PRIM2: variants seen among roughly 807,000 people sequenced by gnomAD.
The protein encoded by PRIM2 is DNA primase subunit 2.
Under a neutral mutation model 67.3 loss-of-function variants are expected in PRIM2, and 39 were observed. The observed-to-expected ratio is 0.58, with a 90% CI of 0.45 to 0.76. The LOEUF (loss-of-function observed/expected upper bound fraction) is 0.76. Ranked by LOEUF, PRIM2 falls within the 30% of genes least tolerant of loss-of-function variation. The pLI is 0.00. For synonymous variants in PRIM2, 143 were observed against 198.7 expected, an observed-to-expected ratio of 0.72 and a Z score of 2.36; for missense variants, 398 against 598.7, an observed-to-expected ratio of 0.66 and a Z score of 3.50.
At position 57,358,327 on chromosome 6, in the gene PRIM2, TTGAG is replaced by T. The variant is rs1408692334; in HGVS notation, c.460-21571_460-21568del. ...TGTATTAAAATTTATTAGGCAGACT[TTGAG>T]TGGGAAAATAAAAATCTTGATTTGG... is the stretch of plus-strand genomic sequence containing the variant. On this transcript the variant is annotated intron_variant, in intron 5 of 13. Transcript: ENST00000615550. Among the ~76,000 whole-genome samples, 5 of 152,304 alleles carry T rather than the reference TTGAG, an allele frequency of 3.3e-5. 1 individual carries two copies. In the South Asian group the frequency reaches 1.0e-3, roughly 32 times the overall value.
chr6:57,391,206 A>G (rs1455014762), intron 7 of PRIM2, among the ~76,000 whole-genome samples: 1 of 146,450 alleles, frequency 6.8e-6, no homozygotes, highest in Non-Finnish European at 1.5e-5. Flanking sequence ...GTGTCTGTTC[A>G]TGTCCTTTGC....
At chr6:57,232,334 T>C in the PRIM2 span, among the ~76,000 whole-genome samples, 6 of 152,170 alleles carry the variant, frequency 3.9e-5, no homozygotes, top group African/African-American at 9.7e-5. Context: ...AGGCGGATCA[T>C]GAGGTCAGGA....
At chr6:57,472,861 G>C (rs1305832549) in intron 7 of PRIM2, among the ~76,000 whole-genome samples, 1 of 152,162 alleles carries the variant, frequency 6.6e-6, no homozygotes, top group Non-Finnish European at 1.5e-5. Flanking sequence ...CAATTGTATT[G>C]TAAGTATGTG....
At chr6:57,609,533 A>G (rs1485443270) in intron 12 of PRIM2, among the ~76,000 whole-genome samples, 1 of 152,238 alleles carries the variant, frequency 6.6e-6, no homozygotes, top group Non-Finnish European at 1.5e-5. Flanking sequence ...ATCTTAATAT[A>G]CTAACATTAT....
chr6:57,244,800 C>T, the PRIM2 span, among the ~76,000 whole-genome samples: 1 of 152,030 alleles, frequency 6.6e-6, no homozygotes, highest in African/African-American at 2.4e-5. Context: ...TGCCCTGCAA[C>T]ACTGCAGCAG....
intron 10 of PRIM2, among the ~76,000 whole-genome samples, chr6:57,588,055 T>G (rs1438129673): frequency 6.6e-6 from 1 of 152,138 alleles, no homozygotes; most frequent in Non-Finnish European, 1.5e-5. Flanking sequence ...GCTTAAATCT[T>G]TATTTAAGTG....
chr6:57,534,729 A>G (rs1323643727), intron 9 of PRIM2, among the ~76,000 whole-genome samples: 5 of 152,078 alleles, frequency 3.3e-5, no homozygotes, highest in African/African-American at 1.2e-4. Flanking sequence ...CATCATTTCT[A>G]TTTTATCTTC....
intron 8 of PRIM2, among the ~76,000 whole-genome samples, chr6:57,519,539 C>T (rs1774567455): frequency 6.6e-6 from 1 of 152,228 alleles, no homozygotes; most frequent in Admixed American, 6.5e-5. Flanking sequence ...CCGCCCGGCT[C>T]ACCAGCGGTC....
intron 9 of PRIM2, among the ~76,000 whole-genome samples, chr6:57,536,953 GTA>G (rs1489089610): frequency 9.8e-5 from 7 of 71,092 alleles, no homozygotes; most frequent in Non-Finnish European, 1.7e-4. Flanking sequence ...TGACAAAACT[GTA>G]TAAAATTTAA....
At chr6:57,517,529 T>C (rs1297720300) in intron 8 of PRIM2, among the ~76,000 whole-genome samples, 30 of 152,172 alleles carry the variant, frequency 2.0e-4, no homozygotes, top group African/African-American at 7.0e-4. Context: ...TAAATTTTAT[T>C]TAATTTTAAT....
At chr6:57,508,269 GTT>G (rs1774290794) in intron 8 of PRIM2, among the ~76,000 whole-genome samples, 1 of 151,856 alleles carries the variant, frequency 6.6e-6, no homozygotes, top group Non-Finnish European at 1.5e-5. Context: ...TGTCGTTGTT[GTT>G]TTTTACTTAG....
intron 7 of PRIM2, among the ~76,000 whole-genome samples, chr6:57,426,074 T>C (rs1771615020): frequency 6.6e-6 from 1 of 152,214 alleles, no homozygotes; most frequent in Non-Finnish European, 1.5e-5. Flanking sequence ...GTAACTCATG[T>C]CGTGTCTACT....
chr6:57,403,248 A>AT (rs1770771181), intron 7 of PRIM2, among the ~76,000 whole-genome samples: 1 of 145,668 alleles, frequency 6.9e-6, no homozygotes, highest in African/African-American at 2.7e-5. Flanking sequence ...TCAGGTGAAG[A>AT]ATTTTTTTTT....
At chr6:57,346,598 G>A (rs9464444) in intron 5 of PRIM2, among the ~76,000 whole-genome samples, 19,340 of 152,092 alleles carry the variant, frequency 0.13, 1,386 homozygotes, top group African/African-American at 0.18. Context: ...GATTACAGGC[G>A]TGAGTCACCA....
chr6:57,258,873 A>T, the PRIM2 span, among the ~76,000 whole-genome samples: 1 of 152,160 alleles, frequency 6.6e-6, no homozygotes, highest in Non-Finnish European at 1.5e-5. Flanking sequence ...GCAGGATAGG[A>T]GCAGCCTCAA....
At chr6:57,311,200 C>CGG (rs761662244), upstream of PRIM2, among the ~76,000 whole-genome samples, 5,133 of 30,876 alleles carry the variant, frequency 0.17, 348 homozygotes, top group Admixed American at 0.26. Flanking sequence ...CCTCACCTCC[C>CGG]AGACGGGGCG....
At chr6:57,458,256 T>C (rs540759432) in intron 7 of PRIM2, among the ~76,000 whole-genome samples, 38 of 152,322 alleles carry the variant, frequency 2.5e-4, no homozygotes, top group Middle Eastern at 3.4e-3. Flanking sequence ...AAAAACATCA[T>C]GCATGTGTAC....
chr6:57,456,602 T>A (rs1322184788), intron 7 of PRIM2, among the ~76,000 whole-genome samples: 1 of 152,214 alleles, frequency 6.6e-6, no homozygotes, highest in Non-Finnish European at 1.5e-5. Flanking sequence ...TGTGCATTCG[T>A]CACGTAGTTC....
At position 57,559,986 on chromosome 6, in the gene PRIM2, T is replaced by G. The variant is rs1775595774; in HGVS notation, c.1020+22361T>G. The stretch of plus-strand genomic sequence containing the variant: ...GAGTGGCTCTTACAATTTCTTAAAA[T>G]AAGACAGCCATGAAGTTTGCTGCAT... On this transcript the variant is annotated intron_variant, in intron 10 of 13. Coordinates refer to ENST00000615550, the MANE Select transcript of PRIM2 (RefSeq NM_000947.5). Among the ~76,000 whole-genome samples, 6 of 152,288 alleles carry G rather than the reference T, an allele frequency of 3.9e-5. No individual in the cohort carries two copies. The South Asian group carries it at 1.2e-3, about 32-fold the overall frequency.
Sources: gnomAD v4.1 joint callset for allele counts (sites outside exome capture counted in the v4.1 genomes callset) on GRCh38, gnomAD v4.1.1 for gene constraint, MANE v1.5 for transcripts, NCBI Gene and HGNC (gene_info 2026-07-23, HGNC 2026-07-21) for gene names.